SAXO1: variants seen among roughly 807,000 people sequenced by gnomAD.
The protein encoded by SAXO1 is stabilizer of axonemal microtubules 1, also known as 4930500O09Rik.
In SAXO1, 21 loss-of-function variants were observed where a neutral mutation model predicts 17.5. The observed-to-expected ratio is 1.20, with a 90% CI of 0.85 to 1.72. SAXO1 has a LOEUF of 1.72. SAXO1 is among the 40% of genes most tolerant of loss of function. The probability of loss-of-function intolerance (pLI) is 0.00; values close to 1 mark genes in which losing one functional copy is unlikely to be tolerated. For missense variants in SAXO1, 843 were observed against 596.0 expected (o/e 1.41, Z -4.32); for synonymous variants, 274 against 216.5 (o/e 1.27, Z -2.33).
chr9:18,950,162 G>A (rs916564515), intron 2 of SAXO1, among the ~76,000 whole-genome samples: 4 of 152,132 alleles, frequency 2.6e-5, no homozygotes, highest in Non-Finnish European at 5.9e-5. Flanking sequence ...TGAACCATGT[G>A]GCTCAGCCTC....
chr9:18,941,386 T>G (rs540068031), intron 3 of SAXO1, among the ~76,000 whole-genome samples: 2 of 152,342 alleles, frequency 1.3e-5, no homozygotes, highest in African/African-American at 4.8e-5. Flanking sequence ...GAACACTGAA[T>G]TTTCAATTTT....
At chr9:18,989,501 A>G (rs942737224) in intron 1 of SAXO1, among the ~76,000 whole-genome samples, 3 of 152,144 alleles carry the variant, frequency 2.0e-5, no homozygotes, top group Admixed American at 2.0e-4. Context: ...ATGTATACAG[A>G]TGACCAATTC....
chr9:19,046,877 T>A (rs1318557996), intron 1 of SAXO1, among the ~76,000 whole-genome samples: 1 of 151,124 alleles, frequency 6.6e-6, no homozygotes, highest in Non-Finnish European at 1.5e-5. Flanking sequence ...AAAAATAAAT[T>A]TAAAAAATTT....
intron 1 of SAXO1, among the ~76,000 whole-genome samples, chr9:18,983,587 T>G (rs1337322339): frequency 6.6e-6 from 1 of 152,222 alleles, no homozygotes; most frequent in African/African-American, 2.4e-5. Context: ...CCATAAGAAG[T>G]AACTCCTCAT....
intron 1 of SAXO1, among the ~76,000 whole-genome samples, chr9:19,045,460 A>G (rs1836192059): frequency 6.6e-6 from 1 of 151,528 alleles, no homozygotes; most frequent in South Asian, 2.1e-4. Context: ...AGAGTAAAAC[A>G]GGGGGTCTCT....
chr9:18,950,211 C>T (rs1831972843), intron 2 of SAXO1, among the ~76,000 whole-genome samples: 1 of 152,056 alleles, frequency 6.6e-6, no homozygotes, highest in South Asian at 2.1e-4. Context: ...GTTTGGGAGT[C>T]AAGAATAATT....
At chr9:18,974,642 T>C (rs1040795791) in intron 1 of SAXO1, among the ~76,000 whole-genome samples, 2 of 152,168 alleles carry the variant, frequency 1.3e-5, no homozygotes, top group African/African-American at 4.8e-5. Flanking sequence ...TTAAAATAAA[T>C]GATGATAGTA....
intron 1 of SAXO1, among the ~76,000 whole-genome samples, chr9:18,954,564 T>G (rs1352490590): frequency 3.3e-5 from 5 of 152,142 alleles, no homozygotes; most frequent in African/African-American, 4.8e-5. Flanking sequence ...ATCGAACTCC[T>G]GAGCTCAAGC....
chr9:18,952,517 G>A (rs990145945), intron 1 of SAXO1, among the ~76,000 whole-genome samples: 1 of 152,124 alleles, frequency 6.6e-6, no homozygotes, highest in East Asian at 1.9e-4. Context: ...ACTCTCCAGA[G>A]AAAATCATCA....
At chr9:19,032,785 G>C in intron 1 of SAXO1, 86 bp downstream of exon 1, 3 of 1,475,518 alleles carry the variant, frequency 2.0e-6, no homozygotes, top group Non-Finnish European at 2.8e-6. Context: ...GATGCCGCCT[G>C]ATGAAGCAGC....
chr9:19,023,041 A>T (rs1171287081), intron 1 of SAXO1, among the ~76,000 whole-genome samples: 1 of 152,110 alleles, frequency 6.6e-6, no homozygotes, highest in Non-Finnish European at 1.5e-5. Context: ...GCATCCCAGA[A>T]AGGGCAGAGA....
chr9:18,946,793 T>C (rs1427110474), intron 2 of SAXO1, among the ~76,000 whole-genome samples: 1 of 152,030 alleles, frequency 6.6e-6, no homozygotes, highest in Admixed American at 6.6e-5. Flanking sequence ...GGAAATTAGG[T>C]AAAATAAATA....
intron 2 of SAXO1, among the ~76,000 whole-genome samples, chr9:18,942,296 C>A (rs956068485): frequency 7.9e-5 from 12 of 152,282 alleles, no homozygotes; most frequent in African/African-American, 2.6e-4. Flanking sequence ...AACTTCCTGG[C>A]ATAATTTATA....
At chr9:18,993,088 C>T (rs7864930) in intron 1 of SAXO1, among the ~76,000 whole-genome samples, 77,761 of 151,724 alleles carry the variant, frequency 0.51, 21,664 homozygotes, top group Non-Finnish European at 0.63. Context: ...GTGTGGGCCA[C>T]CATGCCCAGC....
At chr9:19,017,890 G>A (rs1452587627) in intron 1 of SAXO1, among the ~76,000 whole-genome samples, 1 of 152,190 alleles carries the variant, frequency 6.6e-6, no homozygotes, top group Non-Finnish European at 1.5e-5. Flanking sequence ...GGAACTGGCT[G>A]TGCACAGTGG....
At chr9:18,935,217 T>G (rs1282478230) in intron 3 of SAXO1, among the ~76,000 whole-genome samples, 1 of 152,182 alleles carries the variant, frequency 6.6e-6, no homozygotes, top group Admixed American at 6.5e-5. Context: ...CCTGACTTCT[T>G]AAGGGTCACT....
chr9:18,928,932 A>G lies in SAXO1; in HGVS notation c.545T>C (p.Leu182Pro). ...THQDDYPIKG[L>P]VKTISCKPLA... ...AGGTTTACAGCTTATGGTCTTCACA[A>G]GGCCTTTTATGGGGTAATCGTCCTG... The change falls in exon 4 of 4, where the codon CTT becomes CCT. Residue 182 changes from leucine to proline, a missense_variant. By Grantham distance (98) the Leu-to-Pro change is moderately conservative. Coordinates refer to ENST00000380534, the MANE Select transcript of SAXO1 (RefSeq NM_153707.4). The G allele has an allele frequency of 6.2e-7, 1 of 1,614,190 alleles. No individual in the cohort carries two copies. The highest frequency in any genetic ancestry group is 8.5e-7 in the Non-Finnish European group (1 of 1,180,028).
intron 1 of SAXO1, among the ~76,000 whole-genome samples, chr9:19,010,757 T>C (rs1431749200): frequency 6.6e-6 from 1 of 152,218 alleles, no homozygotes; most frequent in Non-Finnish European, 1.5e-5. Flanking sequence ...AACAGTATTC[T>C]AGGAAATTTT....
intron 1 of SAXO1, among the ~76,000 whole-genome samples, chr9:18,959,773 GAAAA>G (rs11304810): frequency 7.4e-6 from 1 of 134,674 alleles, no homozygotes; most frequent in Non-Finnish European, 1.6e-5. Context: ...CTCTGTCTAA[GAAAA>G]AAAAAAAAAA....
Sources: gnomAD v4.1 joint callset for allele counts (sites outside exome capture counted in the v4.1 genomes callset) on GRCh38, gnomAD v4.1.1 for gene constraint, MANE v1.5 for transcripts, NCBI Gene and HGNC (gene_info 2026-07-23, HGNC 2026-07-21) for gene names.